The following EXOC6 variants were observed in gnomAD, a reference collection of about 807,000 sequenced individuals.
EXOC6 encodes exocyst complex component 6.
A neutral mutation model predicts 112.5 loss-of-function variants in EXOC6; 60 were observed. That is an observed-to-expected ratio of 0.53 (90% confidence interval 0.43 to 0.66). EXOC6 has a LOEUF of 0.66. Among genes scored for constraint, EXOC6 ranks in the 30% least tolerant of loss-of-function variants. The pLI is 0.00. For missense variants in EXOC6, 855 were observed against 957.1 expected (o/e 0.89, Z 1.41); for synonymous variants, 295 against 308.0 (o/e 0.96, Z 0.44).
At chr10:92,987,699 A>C in intron 18 of EXOC6, 2 of 845,614 alleles carry the variant, frequency 2.4e-6, no homozygotes, top group Non-Finnish European at 2.8e-6. Flanking sequence ...AATTTCCTGC[A>C]GGCTTATTTT....
chr10:92,855,815 C>T (rs1735024775), intron 1 of EXOC6, among the ~76,000 whole-genome samples: 1 of 151,298 alleles, frequency 6.6e-6, no homozygotes, highest in Non-Finnish European at 1.5e-5. Flanking sequence ...TTTTGTTGAT[C>T]TTTTCAAAGA....
intron 1 of EXOC6, among the ~76,000 whole-genome samples, chr10:92,867,217 T>TA: frequency 6.6e-6 from 1 of 152,276 alleles, no homozygotes; most frequent in South Asian, 2.1e-4. Flanking sequence ...ACAGATATGT[T>TA]AAAAAGACTA....
At chr10:92,975,139 GC>G in intron 18 of EXOC6, among the ~76,000 whole-genome samples, 1 of 151,798 alleles carries the variant, frequency 6.6e-6, no homozygotes, top group African/African-American at 2.4e-5. Flanking sequence ...CTTCCCGGCC[GC>G]CATCCCATGT....
At chr10:92,944,680 C>G (rs1852866280) in intron 13 of EXOC6, among the ~76,000 whole-genome samples, 1 of 152,134 alleles carries the variant, frequency 6.6e-6, no homozygotes, top group Non-Finnish European at 1.5e-5. Context: ...CAACAGCGTG[C>G]AAAGGTTCCC....
intron 1 of EXOC6, among the ~76,000 whole-genome samples, chr10:92,878,467 C>T (rs189504930): frequency 6.6e-6 from 1 of 152,232 alleles, no homozygotes. Context: ...TTTCCGCATG[C>T]CCAGTGCCCT....
chr10:92,906,322 A>G (rs1337331254), intron 5 of EXOC6, among the ~76,000 whole-genome samples: 1 of 152,104 alleles, frequency 6.6e-6, no homozygotes, highest in East Asian at 1.9e-4. Context: ...TGTATCTTGT[A>G]AATTTTTTTG....
chr10:92,866,172 A>G (rs545211734), intron 1 of EXOC6, among the ~76,000 whole-genome samples: 58 of 152,292 alleles, frequency 3.8e-4, no homozygotes, highest in African/African-American at 1.3e-3. Context: ...TCCTAGTATT[A>G]TCTTAACTGC....
At chr10:92,998,577 T>C (rs1190475963) in intron 19 of EXOC6, among the ~76,000 whole-genome samples, 1 of 150,994 alleles carries the variant, frequency 6.6e-6, no homozygotes, top group Non-Finnish European at 1.5e-5. Context: ...ATTAATATTA[T>C]AGAAAATAAT....
chr10:92,909,674 C>T, intron 6 of EXOC6, 43 bp downstream of exon 6: 9 of 1,208,524 alleles, frequency 7.4e-6, no homozygotes, highest in South Asian at 1.5e-5. Flanking sequence ...TTTAGTAATA[C>T]AGGATCTGGA....
intron 20 of EXOC6, among the ~76,000 whole-genome samples, chr10:93,023,200 C>T (rs1421249083): frequency 6.6e-6 from 1 of 152,012 alleles, no homozygotes; most frequent in African/African-American, 2.4e-5. Flanking sequence ...ATTTTACCTG[C>T]CCACCCGGAC....
chr10:92,899,793 AT>A, intron 5 of EXOC6, 149 bp downstream of exon 5: 1 of 528,682 alleles, frequency 1.9e-6, no homozygotes, highest in East Asian at 3.1e-5. Flanking sequence ...CATCAGGATA[AT>A]CCACTAAAGC....
At chr10:93,016,869 G>A (rs1303730990) in intron 20 of EXOC6, among the ~76,000 whole-genome samples, 1 of 151,210 alleles carries the variant, frequency 6.6e-6, no homozygotes, top group African/African-American at 2.4e-5. Flanking sequence ...CTGGAGTGCA[G>A]TGGCGCGATC....
intron 1 of EXOC6, among the ~76,000 whole-genome samples, chr10:92,839,582 C>T (rs1203483468): frequency 6.6e-6 from 1 of 152,138 alleles, no homozygotes; most frequent in Non-Finnish European, 1.5e-5. Flanking sequence ...ACTAGAACTT[C>T]CTGCTGTCAG....
intron 18 of EXOC6, among the ~76,000 whole-genome samples, chr10:92,993,215 A>G (rs60626109): frequency 0.027 from 4,171 of 152,228 alleles, 157 homozygotes; most frequent in East Asian, 0.15. Context: ...AATGTAAAGA[A>G]TAATATGTTG....
chr10:92,940,699 T>C, intron 12 of EXOC6, 28 bp from the exon 13 acceptor site: 1 of 1,408,844 alleles, frequency 7.1e-7, no homozygotes, highest in Non-Finnish European at 9.7e-7. Context: ...CACTTGTTTA[T>C]CTGCTTTTTT....
chr10:92,967,774 C>A (rs774734256), intron 17 of EXOC6, among the ~76,000 whole-genome samples: 17 of 152,220 alleles, frequency 1.1e-4, no homozygotes, highest in South Asian at 2.1e-4. Flanking sequence ...CTTTGCCTGG[C>A]GATAGAAGGG....
chr10:92,903,136 G>A (rs1347281353), intron 5 of EXOC6, among the ~76,000 whole-genome samples: 1 of 151,856 alleles, frequency 6.6e-6, no homozygotes, highest in Non-Finnish European at 1.5e-5. Context: ...TTTAAAATAT[G>A]ATTTGAAAAA....
intron 20 of EXOC6, 49 bp downstream of exon 20, chr10:93,014,316 C>T: frequency 1.4e-6 from 2 of 1,422,632 alleles, no homozygotes; most frequent in South Asian, 1.2e-5. Context: ...AACTCTTGCC[C>T]TCCCCTCACT....
Position 92,955,609 on chromosome 10 carries a change from C to T in EXOC6, c.1668C>T (p.His556=). The change falls in exon 17 of 22, where the codon CAC becomes CAT. Residue 556 remains histidine (H), a synonymous_variant. Transcript: ENST00000260762. Reference sequence around the variant, plus strand: ...TACAAATCATCATAAACACAACACACCTGGAGCAAGCTTGTAAATATCTTG... The same window carrying T: ...TACAAATCATCATAAACACAACACATCTGGAGCAAGCTTGTAAATATCTTG... ...ELVQIIINTT[H]LEQACKYLED... is the part of the protein sequence containing the mutation. 3 of 1,611,338 alleles carry T rather than the reference C, an allele frequency of 1.9e-6. No homozygotes were observed. The highest frequency in any genetic ancestry group is 1.1e-5 in the South Asian group (1 of 90,898).
Sources: allele counts gnomAD v4.1 joint callset (sites outside exome capture counted in the v4.1 genomes callset), GRCh38; gene constraint gnomAD v4.1.1; transcripts MANE v1.5; gene names NCBI Gene and HGNC (gene_info 2026-07-23, HGNC 2026-07-21).